AR: variants seen among roughly 807,000 people sequenced by gnomAD.
AR encodes the protein dihydrotestosterone receptor.
A neutral mutation model predicts 53.9 loss-of-function variants in AR; 8 were observed. The ratio of observed to expected loss-of-function variants is 0.15; its 90% CI spans 0.09 to 0.27. The LOEUF (loss-of-function observed/expected upper bound fraction) is 0.27, where lower values mean the gene tolerates loss of function less well. AR is among the 10% of genes least tolerant of loss of function. AR has a pLI of 1.00. For synonymous variants in AR, 359 were observed against 316.4 expected (o/e 1.13, Z -1.43); for missense variants, 639 against 742.5 (o/e 0.86, Z 1.62).
intron 3 of AR, among the ~76,000 whole-genome samples, chrX:67,697,833 G>T (rs1490746437): frequency 9.0e-6 from 1 of 111,537 alleles, no homozygotes; most frequent in Admixed American, 9.6e-5. Context: ...AACCTTTTAT[G>T]TGAAAAGCAT....
At chrX:67,550,416 A>T (rs1156389168) in intron 1 of AR, among the ~76,000 whole-genome samples, 2 of 111,017 alleles carry the variant, frequency 1.8e-5, no homozygotes, top group Non-Finnish European at 3.8e-5. Context: ...TTAAAACAAA[A>T]ATTCTTTGGT....
chrX:67,710,112 A>C (rs1400067820), intron 3 of AR, among the ~76,000 whole-genome samples: 1 of 109,971 alleles, frequency 9.1e-6, no homozygotes, highest in African/African-American at 3.3e-5. Context: ...TTAGAGAGAG[A>C]GAGAGAGACA....
In AR at chrX:67,648,562, C is replaced by T. The variant is rs768827057; in HGVS notation, c.1768+5155C>T. Among the ~76,000 whole-genome samples the T allele has an allele frequency of 5.4e-5, 6 of 111,669 alleles. No individual in the cohort carries two copies. The South Asian group carries it at 1.5e-3, about 28-fold the overall frequency. On this transcript the variant is annotated intron_variant, in intron 2 of 7. Coordinates refer to ENST00000374690, the MANE Select transcript of AR (RefSeq NM_000044.6). The stretch of plus-strand genomic sequence containing the variant: ...CTTAATTCTGGGCCTCCCCATAACA[C>T]GACTAGACCACAGGCTTGCAGAAGA...
intron 1 of AR, among the ~76,000 whole-genome samples, chrX:67,623,894 C>T (rs890144258): frequency 1.8e-5 from 2 of 111,093 alleles, no homozygotes; most frequent in Admixed American, 9.6e-5. Context: ...AAAAAAGCTA[C>T]CTGAGATGGG....
intron 1 of AR, among the ~76,000 whole-genome samples, chrX:67,635,293 G>T (rs1258593395): frequency 9.0e-6 from 1 of 110,907 alleles, no homozygotes; most frequent in African/African-American, 3.3e-5. Flanking sequence ...AACTCTAAAT[G>T]AGGCAAATGG....
chrX:67,691,236 C>T (rs1025458527), intron 3 of AR, among the ~76,000 whole-genome samples: 4 of 111,890 alleles, frequency 3.6e-5, no homozygotes, highest in Non-Finnish European at 5.6e-5. Context: ...GTACTGACCA[C>T]GTATATGAAG....
At position 67,715,725 on chromosome X, in the gene AR, TGGTAAAATAA is replaced by T. The variant is rs764949497; in HGVS notation, c.2174-1751_2174-1742del. On this transcript the variant is annotated intron_variant, in intron 4 of 7. Coordinates refer to ENST00000374690, the MANE Select transcript of AR (RefSeq NM_000044.6). ...TTTCTCTGGCCCTCATGTTCCTTGT[TGGTAAAATAA>T]GTGCCACATCACCTAACCTCTGGGA... is the stretch of plus-strand genomic sequence containing the variant. 4.5e-5 allele frequency among the ~76,000 whole-genome samples: 5 copies of T among 112,290 alleles called. No homozygotes were observed. In the South Asian group the frequency reaches 1.9e-3, roughly 42 times the overall value.
At chrX:67,676,771 T>C (rs2075902581) in intron 2 of AR, among the ~76,000 whole-genome samples, 1 of 111,504 alleles carries the variant, frequency 9.0e-6, no homozygotes, top group South Asian at 3.7e-4. Context: ...ATGAATTTCT[T>C]TGTTGTAAGT....
chrX:67,604,406 A>G (rs1820016084), intron 1 of AR, among the ~76,000 whole-genome samples: 1 of 110,508 alleles, frequency 9.0e-6, no homozygotes. Flanking sequence ...CTCTGAGAGA[A>G]TAGGGTGATT....
intron 1 of AR, among the ~76,000 whole-genome samples, chrX:67,567,022 G>GT (rs760337025): frequency 1.8e-5 from 2 of 111,206 alleles, no homozygotes; most frequent in Non-Finnish European, 3.8e-5. Context: ...TGATTGTTCA[G>GT]TTTTTTGTTT....
intron 4 of AR, among the ~76,000 whole-genome samples, chrX:67,712,130 T>C (rs1018722755): frequency 8.9e-6 from 1 of 111,854 alleles, no homozygotes; most frequent in African/African-American, 3.2e-5. Context: ...TCTCATAATA[T>C]GGTATGGTGG....
chrX:67,640,482 T>C (rs1475063128), intron 1 of AR, among the ~76,000 whole-genome samples: 1 of 111,710 alleles, frequency 9.0e-6, no homozygotes, highest in Non-Finnish European at 1.9e-5. Flanking sequence ...TATTAATTAC[T>C]TCCTCAATTT....
chrX:67,601,580 G>T (rs1923358058), intron 1 of AR, among the ~76,000 whole-genome samples: 1 of 111,889 alleles, frequency 8.9e-6, no homozygotes, highest in African/African-American at 3.2e-5. Flanking sequence ...GGCATTTTGA[G>T]CCCATAATGT....
At chrX:67,597,367 A>T (rs746417817) in intron 1 of AR, among the ~76,000 whole-genome samples, 1 of 111,657 alleles carries the variant, frequency 9.0e-6, no homozygotes, top group South Asian at 3.8e-4. Flanking sequence ...CAGCTCTTGA[A>T]CTATGGTACA....
chrX:67,670,652 G>C (rs184371099), intron 2 of AR, among the ~76,000 whole-genome samples: 2 of 109,459 alleles, frequency 1.8e-5, no homozygotes, highest in Admixed American at 9.9e-5. Context: ...GAACGTGCAG[G>C]TTTCTTACAT....
At chrX:67,647,199 CT>C in intron 2 of AR, among the ~76,000 whole-genome samples, 1 of 112,000 alleles carries the variant, frequency 8.9e-6, no homozygotes. Flanking sequence ...ACATGGAGTG[CT>C]GTTTGGTACA....
chrX:67,701,191 T>C (rs1302835930), intron 3 of AR, among the ~76,000 whole-genome samples: 2 of 112,044 alleles, frequency 1.8e-5, no homozygotes, highest in Non-Finnish European at 3.8e-5. Flanking sequence ...AATGTTGTAA[T>C]TAATTTAATT....
At chrX:67,656,298 G>T (rs748064105) in intron 2 of AR, among the ~76,000 whole-genome samples, 14 of 111,424 alleles carry the variant, frequency 1.3e-4, no homozygotes, top group African/African-American at 4.2e-4. Context: ...AGTCTGGTGG[G>T]CCTGCCTTCC....
At chrX:67,643,105 AG>A (rs1407694130) in intron 1 of AR, 150 bp from the exon 2 acceptor site, 1 of 661,961 alleles carries the variant, frequency 1.5e-6, no homozygotes, top group Non-Finnish European at 2.4e-6. Context: ...CTTTAGGAGA[AG>A]TCTCAGAAAA....
Sources: gnomAD v4.1 joint callset for allele counts (sites outside exome capture counted in the v4.1 genomes callset) on GRCh38, gnomAD v4.1.1 for gene constraint, MANE v1.5 for transcripts, NCBI Gene and HGNC (gene_info 2026-07-23, HGNC 2026-07-21) for gene names.